NADSYN1: variants seen among roughly 807,000 people sequenced by gnomAD.
NADSYN1 encodes glutamine-dependent NAD(+) synthetase.
A neutral mutation model predicts 99.3 loss-of-function variants in NADSYN1; 80 were observed. The observed-to-expected ratio is 0.81, with a 90% CI of 0.67 to 0.97. The LOEUF (loss-of-function observed/expected upper bound fraction) is 0.97. Among genes scored for constraint, NADSYN1 ranks in the 50% least tolerant of loss-of-function variants. The probability of loss-of-function intolerance (pLI) is 0.00; values close to 1 mark genes in which losing one functional copy is unlikely to be tolerated. For missense variants in NADSYN1, 859 were observed against 948.5 expected, an observed-to-expected ratio of 0.91 and a Z score of 1.24; for synonymous variants, 385 against 372.1, an observed-to-expected ratio of 1.03 and a Z score of -0.40.
chr11:71,484,283 G>A, intron 14 of NADSYN1, 29 bp from the exon 15 acceptor site: 2 of 1,607,088 alleles, frequency 1.2e-6, no homozygotes, highest in African/African-American at 1.3e-5. Flanking sequence ...TGCACATGCT[G>A]CCTTCAACGC....
At chr11:71,467,741 A>G (rs967421892) in intron 5 of NADSYN1, among the ~76,000 whole-genome samples, 1 of 152,246 alleles carries the variant, frequency 6.6e-6, no homozygotes, top group Non-Finnish European at 1.5e-5. Context: ...GTGAAAGTGG[A>G]TAACAAGGGT....
At position 71,486,796 on chromosome 11, in the gene NADSYN1, CTTTTTTTTTTTTTTTT is replaced by C. The variant is rs57662255; in HGVS notation, c.1562+1160_1562+1175del. ...TCCCTTTTTTCTATGGCGTGAGTGT[CTTTTTTTTTTTTTTTT>C]TTTTTTTTTTTGAGATGGAGTCTCG... is the stretch of plus-strand genomic sequence containing the variant. On this transcript the variant is annotated intron_variant, in intron 16 of 20. Coordinates refer to ENST00000319023, the MANE Select transcript of NADSYN1 (RefSeq NM_018161.5). 4.9e-5 allele frequency among the ~76,000 whole-genome samples: 3 copies of C among 60,968 alleles called. No individual in the cohort carries two copies. The East Asian group carries it at 1.9e-3, about 39-fold the overall frequency. The allele number at this position is 60,968 out of a possible 152,430, so 40.0% of individuals were successfully genotyped here. A position where few individuals can be genotyped will look rare whatever the true frequency, so the allele number is the denominator to read the frequency against.
intron 18 of NADSYN1, among the ~76,000 whole-genome samples, chr11:71,495,374 G>T (rs933785566): frequency 3.9e-5 from 6 of 152,192 alleles, no homozygotes; most frequent in Non-Finnish European, 8.8e-5. Context: ...CCAATGTGGT[G>T]AGAAAGCAAC....
intron 18 of NADSYN1, among the ~76,000 whole-genome samples, chr11:71,495,554 G>C (rs924473825): frequency 6.6e-6 from 1 of 152,192 alleles, no homozygotes; most frequent in African/African-American, 2.4e-5. Context: ...AGAGTTGTTC[G>C]TATCTTCTGT....
chr11:71,484,816 A>G (rs1949731668), intron 15 of NADSYN1: 1 of 250,680 alleles, frequency 4.0e-6, no homozygotes, highest in African/African-American at 2.2e-5. Flanking sequence ...TGAGTGTATG[A>G]GAGTACAAGT....
chr11:71,486,231 C>T (rs1949742059), intron 16 of NADSYN1, among the ~76,000 whole-genome samples: 1 of 152,232 alleles, frequency 6.6e-6, no homozygotes, highest in Admixed American at 6.5e-5. Flanking sequence ...TCCTTAGGAG[C>T]TGAGGGATTT....
intron 6 of NADSYN1, 63 bp from the exon 7 acceptor site, chr11:71,473,215 T>A: frequency 6.8e-7 from 1 of 1,477,564 alleles, no homozygotes; most frequent in South Asian, 1.1e-5. Flanking sequence ...TGGCCCTAGG[T>A]AGTGCGTGGC....
At chr11:71,480,698 G>T (rs1385750091) in intron 10 of NADSYN1, 57 bp from the exon 11 acceptor site, 1 of 1,611,196 alleles carries the variant, frequency 6.2e-7, no homozygotes, top group Admixed American at 1.7e-5. Flanking sequence ...CGGTCCTGGG[G>T]ACCCAGAGGG....
At chr11:71,492,696 G>A (rs576290117) in intron 18 of NADSYN1, among the ~76,000 whole-genome samples, 1 of 152,156 alleles carries the variant, frequency 6.6e-6, no homozygotes, top group Admixed American at 6.5e-5. Context: ...TGAGTCTCTT[G>A]AACATCCATA....
chr11:71,463,502 C>G lies in NADSYN1; in HGVS notation c.317+17C>G, dbSNP rs754254173. 1.9e-6 allele frequency: 3 copies of G among 1,611,878 alleles called. No homozygotes were observed. The highest frequency in any genetic ancestry group is 2.5e-6 in the Non-Finnish European group (3 of 1,178,318). On this transcript the variant is annotated intron_variant, in intron 4 of 20. Coordinates refer to ENST00000319023, the MANE Select transcript of NADSYN1 (RefSeq NM_018161.5). The stretch of plus-strand genomic sequence containing the variant: ...CCTCAACAGGTAGGCCCCCTGCCCC[C>G]ACCCCGGGAGGGTGACTGGGGCCTC...
intron 10 of NADSYN1, 85 bp downstream of exon 10, chr11:71,478,554 T>A: frequency 8.0e-7 from 1 of 1,251,752 alleles, no homozygotes; most frequent in East Asian, 2.6e-5. Flanking sequence ...GTGGAGGCCG[T>A]GAGGGTGCAG....
intron 16 of NADSYN1, 75 bp from the exon 17 acceptor site, chr11:71,490,770 G>T (rs564828083): frequency 1.3e-6 from 2 of 1,568,796 alleles, no homozygotes; most frequent in South Asian, 2.3e-5. Flanking sequence ...TGGAAGAAGC[G>T]ACTCCCTGGC....
At chr11:71,500,025 G>C (rs1444815410) in intron 20 of NADSYN1, 1 of 152,242 alleles carries the variant, frequency 6.6e-6, no homozygotes, top group African/African-American at 2.4e-5. Flanking sequence ...GACAGAGCCA[G>C]AGCCTGTCGC....
intron 12 of NADSYN1, chr11:71,481,679 C>T (rs1017077518): frequency 2.8e-5 from 17 of 600,312 alleles, no homozygotes; most frequent in Admixed American, 1.2e-4. Context: ...TGTAATCATG[C>T]GTATCTGCAG....
intron 2 of NADSYN1, among the ~76,000 whole-genome samples, chr11:71,456,229 A>G (rs1315812057): frequency 1.3e-5 from 2 of 152,236 alleles, no homozygotes; most frequent in African/African-American, 2.4e-5. Flanking sequence ...TTCCTTCATT[A>G]GATTGATTTC....
chr11:71,487,849 AAG>A (rs1949752940), intron 16 of NADSYN1, among the ~76,000 whole-genome samples: 4 of 151,036 alleles, frequency 2.6e-5, no homozygotes, highest in African/African-American at 9.7e-5. Context: ...AAAAAAAAAA[AAG>A]AAAAGAAAAG....
At chr11:71,486,199 C>T (rs765057694) in intron 16 of NADSYN1, among the ~76,000 whole-genome samples, 1 of 152,194 alleles carries the variant, frequency 6.6e-6, no homozygotes, top group Non-Finnish European at 1.5e-5. Flanking sequence ...CCTCTCAGCT[C>T]GTCTGTGCTG....
Position 71,481,449 on chromosome 11 carries a change from G to T in NADSYN1, c.1047+45G>T, listed in dbSNP as rs1486434939. 4 of 1,589,580 alleles carry T rather than the reference G, an allele frequency of 2.5e-6. No homozygotes were observed. The South Asian group carries it at 3.3e-5, about 13-fold the overall frequency. ...GTGAGCCCACTTTGCTTGTTCTGCT[G>T]GTTGGTCTGGTTTTATTCTGGGGCA... On this transcript the variant is annotated intron_variant, in intron 12 of 20. Coordinates refer to ENST00000319023, the MANE Select transcript of NADSYN1 (RefSeq NM_018161.5).
rs1949711427 is a variant in NADSYN1 at position 71,482,010 on chromosome 11, G to T, written c.1135G>T (p.Ala379Ser). ...CTCCATGTGCTGCCAGGTCTGCGAG[G>T]CCGTGAGGAGTGGAAGTAGGTGACA... ...IYSMCCQVCE[A>S]VRSGNEEVLA... The change falls in exon 13 of 21, where the codon GCC becomes TCC. Residue 379 changes from alanine (A) to serine (S), a missense_variant. Ala to Ser is a moderately conservative substitution (Grantham distance 99). Transcript: ENST00000319023. The T allele has an allele frequency of 6.2e-7, 1 of 1,611,312 alleles. No individual in the cohort carries two copies. The highest frequency in any genetic ancestry group is 1.7e-5 in the Admixed American group (1 of 59,742).
Sources: gnomAD v4.1 joint callset for allele counts (sites outside exome capture counted in the v4.1 genomes callset) on GRCh38, gnomAD v4.1.1 for gene constraint, MANE v1.5 for transcripts, NCBI Gene and HGNC (gene_info 2026-07-23, HGNC 2026-07-21) for gene names.